Variants in SYCP1 observed in about 807,000 individuals in gnomAD.
SYCP1 encodes the protein cancer/testis antigen 8.
SYCP1 carries 64 observed loss-of-function variants against 153.1 expected under a neutral mutation model. The ratio of observed to expected loss-of-function variants is 0.42; its 90% CI spans 0.34 to 0.51. The LOEUF is 0.51. SYCP1 is among the 20% of genes least tolerant of loss of function. SYCP1 has a pLI of 0.06. For missense variants in SYCP1, 997 were observed against 1,049.0 expected (o/e 0.95, Z 0.68); for synonymous variants, 384 against 341.8 (o/e 1.12, Z -1.36).
intron 8 of SYCP1, among the ~76,000 whole-genome samples, chr1:114,861,901 G>T (rs367837047): frequency 5.3e-5 from 8 of 150,766 alleles, no homozygotes; most frequent in African/African-American, 2.0e-4. Context: ...CTGGGTTCAG[G>T]CAATTCTCCT....
intron 27 of SYCP1, among the ~76,000 whole-genome samples, chr1:114,971,318 T>G (rs761072919): frequency 1.8e-4 from 27 of 152,118 alleles, no homozygotes; most frequent in Non-Finnish European, 3.2e-4. Context: ...CTCAGGCCAA[T>G]GGAGTTATGT....
intron 27 of SYCP1, among the ~76,000 whole-genome samples, chr1:114,952,719 A>G (rs1443261377): frequency 6.6e-6 from 1 of 152,146 alleles, no homozygotes; most frequent in Non-Finnish European, 1.5e-5. Context: ...CTCCCACAAC[A>G]TGTGGGGATA....
chr1:114,856,606 T>G lies in SYCP1; in HGVS notation c.142T>G (p.Phe48Val). The G allele has an allele frequency of 6.2e-7, 1 of 1,611,636 alleles. No individual in the cohort carries two copies. Among genetic ancestry groups the G allele is most frequent in the Non-Finnish European group, 8.5e-7 (1 of 1,179,150 alleles). Residue 48 changes from phenylalanine (F) to valine (V), a missense_variant, in exon 3 of 32, where the codon TTT (phenylalanine) becomes GTT (valine). By Grantham distance (50) the Phe-to-Val change is conservative. This residue lies in a region of SYCP1 where 285 missense variants were observed against 366.1 expected (regional missense o/e 0.78). Transcript: ENST00000369522. ...CAAATGTACTGAAGATGATTTTGAG[T>G]TTCCATTTGCAAAGACTAATCTCTC... ...FNKCTEDDFE[F>V]PFAKTNLSKN...
intron 8 of SYCP1, among the ~76,000 whole-genome samples, chr1:114,871,203 T>G (rs1231103147): frequency 1.3e-5 from 2 of 152,038 alleles, no homozygotes; most frequent in African/African-American, 2.4e-5. Context: ...AGTCTTGTTT[T>G]ATTGCCCAGA....
intron 27 of SYCP1, among the ~76,000 whole-genome samples, chr1:114,957,876 G>A (rs1210616140): frequency 2.6e-5 from 4 of 152,054 alleles, no homozygotes; most frequent in Non-Finnish European, 5.9e-5. Flanking sequence ...ACAGTCTAGA[G>A]GTTCCTCAAA....
intron 18 of SYCP1, among the ~76,000 whole-genome samples, chr1:114,912,603 G>A (rs1668255875): frequency 6.6e-6 from 1 of 151,886 alleles, no homozygotes; most frequent in South Asian, 2.1e-4. Context: ...TGCACAACGT[G>A]CAGGTAAAAA....
intron 13 of SYCP1, 150 bp from the exon 14 acceptor site, chr1:114,885,975 A>G: frequency 1.9e-6 from 1 of 529,680 alleles, no homozygotes; most frequent in Non-Finnish European, 3.2e-6. Context: ...AAATAAGAGT[A>G]GTGGGTGGGC....
At chr1:114,895,223 G>A (rs767753663) in intron 15 of SYCP1, among the ~76,000 whole-genome samples, 1 of 151,930 alleles carries the variant, frequency 6.6e-6, no homozygotes. Context: ...TGAACTTTGG[G>A]TTATTTGGCA....
chr1:114,857,797 C>G (rs1307627362), intron 5 of SYCP1, among the ~76,000 whole-genome samples: 2 of 151,968 alleles, frequency 1.3e-5, no homozygotes, highest in Non-Finnish European at 2.9e-5. Context: ...ACGAAATTGA[C>G]TGGTTGACTG....
chr1:114,921,159 G>T (rs1668843567), intron 20 of SYCP1, among the ~76,000 whole-genome samples: 1 of 150,524 alleles, frequency 6.6e-6, no homozygotes, highest in African/African-American at 2.4e-5. Context: ...TTTTTTATTT[G>T]AAGTTACCAT....
intron 8 of SYCP1, among the ~76,000 whole-genome samples, chr1:114,869,179 A>G (rs1283394633): frequency 6.6e-6 from 1 of 152,164 alleles, no homozygotes; most frequent in East Asian, 1.9e-4. Flanking sequence ...TCAATGCTAT[A>G]AATTTCCCTC....
In SYCP1 at chr1:114,981,596, G is replaced by A. The variant is rs558931569; in HGVS notation, c.2559+84G>A. On this transcript the variant is annotated intron_variant, in intron 29 of 31. Coordinates refer to ENST00000369522, the MANE Select transcript of SYCP1 (RefSeq NM_003176.4). ...GTTATCACCATATATCTGGCATCAC[G>A]CACACATATATAACTAGTTTCTTGA... The A allele has an allele frequency of 3.5e-5, 40 of 1,158,256 alleles. No homozygotes were observed. In the African/African-American group the frequency reaches 3.5e-4, roughly 10 times the overall value. 71.7% of individuals were successfully genotyped at this position (1,158,256 alleles called of 1,614,324 possible).
intron 7 of SYCP1, among the ~76,000 whole-genome samples, chr1:114,860,253 A>G (rs949836779): frequency 1.3e-5 from 2 of 152,200 alleles, no homozygotes; most frequent in East Asian, 1.9e-4. Context: ...TCTAACTGCC[A>G]TATGTGTTAG....
chr1:114,868,829 G>A (rs1664928581), intron 8 of SYCP1, among the ~76,000 whole-genome samples: 1 of 152,136 alleles, frequency 6.6e-6, no homozygotes, highest in Non-Finnish European at 1.5e-5. Flanking sequence ...GCAAACCTGT[G>A]GGCATAGAAT....
chr1:114,932,893 A>C (rs1669734420), intron 23 of SYCP1, among the ~76,000 whole-genome samples: 1 of 151,930 alleles, frequency 6.6e-6, no homozygotes, highest in South Asian at 2.1e-4. Flanking sequence ...TGGGTAAACA[A>C]AGAAAAGCTC....
chr1:114,884,128 G>T (rs1666140731), intron 12 of SYCP1, among the ~76,000 whole-genome samples: 1 of 152,140 alleles, frequency 6.6e-6, no homozygotes, highest in East Asian at 1.9e-4. Context: ...TGTTTTGCAT[G>T]GTCTTCATGA....
rs549408621 is a variant in SYCP1 at position 114,954,641 on chromosome 1, C to T, written c.2322+7321C>T. On this transcript the variant is annotated intron_variant, in intron 27 of 31. Coordinates refer to ENST00000369522, the MANE Select transcript of SYCP1 (RefSeq NM_003176.4). ...CTGTCACCAGGCTGGAGTGCAGTGG[C>T]GTGATCTCGGCTCACTGCAACCTCC... Among the ~76,000 whole-genome samples, 10 of 151,596 alleles carry T rather than the reference C, an allele frequency of 6.6e-5. No homozygotes were observed. The South Asian group carries it at 1.9e-3, about 28-fold the overall frequency.
At chr1:114,912,799 TA>T (rs1668267667) in intron 18 of SYCP1, among the ~76,000 whole-genome samples, 1 of 151,880 alleles carries the variant, frequency 6.6e-6, no homozygotes, top group African/African-American at 2.4e-5. Flanking sequence ...AAATATATTG[TA>T]TGACATTTGA....
chr1:114,928,488 G>T (rs955568639), intron 23 of SYCP1, among the ~76,000 whole-genome samples: 1 of 152,084 alleles, frequency 6.6e-6, no homozygotes, highest in African/African-American at 2.4e-5. Context: ...TGTACCCTAA[G>T]CAATACTTAA....
Sources: allele counts gnomAD v4.1 joint callset (sites outside exome capture counted in the v4.1 genomes callset), GRCh38; gene constraint gnomAD v4.1.1; regional missense constraint gnomAD v4.1.1; transcripts MANE v1.5; gene names NCBI Gene and HGNC (gene_info 2026-07-23, HGNC 2026-07-21).